GRID2: variants seen among roughly 807,000 people sequenced by gnomAD.
GRID2 encodes glutamate receptor ionotropic, delta-2.
A neutral mutation model predicts 114.8 loss-of-function variants in GRID2; 33 were observed. The observed-to-expected ratio is 0.29, with a 90% CI of 0.22 to 0.38. The LOEUF (loss-of-function observed/expected upper bound fraction) is 0.38. GRID2 is among the 10% of genes least tolerant of loss of function. The pLI is 1.00. For synonymous variants in GRID2, 505 were observed against 449.9 expected (o/e 1.12, Z -1.55); for missense variants, 1,184 against 1,257.7 (o/e 0.94, Z 0.89).
At chr4:93,629,830 A>G (rs1743082368) in intron 14 of GRID2, among the ~76,000 whole-genome samples, 1 of 152,184 alleles carries the variant, frequency 6.6e-6, no homozygotes, top group Non-Finnish European at 1.5e-5. Flanking sequence ...ATTATCTGCT[A>G]CCTGCCAGAC....
chr4:93,563,005 T>C (rs542003256), intron 13 of GRID2, among the ~76,000 whole-genome samples: 1 of 152,164 alleles, frequency 6.6e-6, no homozygotes, highest in South Asian at 2.1e-4. Flanking sequence ...AGTCAGGTAA[T>C]GTCAGTTTTC....
intron 1 of GRID2, among the ~76,000 whole-genome samples, chr4:92,568,259 T>C (rs1191844618): frequency 6.6e-6 from 1 of 152,034 alleles, no homozygotes; most frequent in Non-Finnish European, 1.5e-5. Flanking sequence ...GGCGGAATAC[T>C]AGGATCTGAG....
At chr4:92,498,565 A>T (rs570192835) in intron 1 of GRID2, among the ~76,000 whole-genome samples, 11 of 152,082 alleles carry the variant, frequency 7.2e-5, no homozygotes, top group African/African-American at 2.6e-4. Flanking sequence ...TTATTTTTAA[A>T]GTTTTGCTCA....
chr4:93,452,048 T>A (rs987958105), intron 10 of GRID2, among the ~76,000 whole-genome samples: 2 of 152,030 alleles, frequency 1.3e-5, no homozygotes, highest in African/African-American at 4.8e-5. Flanking sequence ...TGTGTGTAGA[T>A]GGGGACAATA....
intron 13 of GRID2, among the ~76,000 whole-genome samples, chr4:93,618,933 TTAAAAAC>T (rs962130739): frequency 6.6e-6 from 1 of 152,170 alleles, no homozygotes; most frequent in African/African-American, 2.4e-5. Context: ...TAGAATGCTT[TTAAAAAC>T]TTTAAAAAAT....
chr4:93,562,605 G>A (rs1199261770), intron 13 of GRID2, among the ~76,000 whole-genome samples: 1 of 151,976 alleles, frequency 6.6e-6, no homozygotes, highest in Non-Finnish European at 1.5e-5. Context: ...AAAAGTCATG[G>A]CAAAAGCCAA....
chr4:93,097,169 T>C lies in GRID2; in HGVS notation c.529+11890T>C, dbSNP rs563512707. Among the ~76,000 whole-genome samples, 5 of 152,006 alleles carry C rather than the reference T, an allele frequency of 3.3e-5. No homozygotes were observed. The East Asian group carries it at 9.7e-4, about 29-fold the overall frequency. Reference sequence around the variant, plus strand: ...TCTGGAAAGCGACACAAAATAACTTTTAGTGGTAATGGAAATATCCATTAT... The same window carrying C: ...TCTGGAAAGCGACACAAAATAACTTCTAGTGGTAATGGAAATATCCATTAT... On this transcript the variant is annotated intron_variant, in intron 3 of 15. Coordinates refer to ENST00000282020, the MANE Select transcript of GRID2 (RefSeq NM_001510.4).
chr4:92,325,603 CAA>C (rs1726550917), intron 1 of GRID2, among the ~76,000 whole-genome samples: 1 of 151,682 alleles, frequency 6.6e-6, no homozygotes, highest in Admixed American at 6.6e-5. Context: ...CAAACTCAAA[CAA>C]AGAGATTTGC....
chr4:92,703,860 T>C (rs1734803953), intron 2 of GRID2, among the ~76,000 whole-genome samples: 1 of 152,048 alleles, frequency 6.6e-6, no homozygotes, highest in Non-Finnish European at 1.5e-5. Flanking sequence ...TGTATATATC[T>C]ATTGGTAGAG....
At chr4:93,676,753 C>CAAAAAAAAAAAAAAAAAAGAAAATAA (rs1240505682) in intron 14 of GRID2, among the ~76,000 whole-genome samples, 1 of 114,090 alleles carries the variant, frequency 8.8e-6, no homozygotes, top group African/African-American at 3.2e-5. Flanking sequence ...AAAGATATTA[C>CAAAAAAAAAAAAAAAAAAGAAAATAA]AAAAAAAAAA....
At chr4:93,219,719 C>A (rs1242932853) in intron 6 of GRID2, among the ~76,000 whole-genome samples, 2 of 152,064 alleles carry the variant, frequency 1.3e-5, no homozygotes, top group African/African-American at 4.8e-5. Flanking sequence ...GGTGTTTTTG[C>A]AACATATGTA....
At chr4:93,551,691 A>G (rs1383254741) in intron 13 of GRID2, among the ~76,000 whole-genome samples, 1 of 152,218 alleles carries the variant, frequency 6.6e-6, no homozygotes, top group Non-Finnish European at 1.5e-5. Flanking sequence ...TGCCCTTGAC[A>G]TGAACAATAT....
chr4:93,173,723 G>A (rs919748934), intron 4 of GRID2, among the ~76,000 whole-genome samples: 2 of 152,008 alleles, frequency 1.3e-5, no homozygotes, highest in African/African-American at 4.8e-5. Context: ...TCCACCCCCT[G>A]GTCTCAAGTG....
At chr4:92,545,699 A>G (rs770203111) in intron 1 of GRID2, among the ~76,000 whole-genome samples, 10 of 152,146 alleles carry the variant, frequency 6.6e-5, no homozygotes, top group Admixed American at 2.6e-4. Context: ...ATTATTCTCA[A>G]TATGGTGCTT....
chr4:92,827,390 G>T (rs926292989), intron 2 of GRID2, among the ~76,000 whole-genome samples: 1 of 148,574 alleles, frequency 6.7e-6, no homozygotes, highest in African/African-American at 2.5e-5. Flanking sequence ...AATGTAAAGG[G>T]ATCCTGAGAT....
At chr4:93,303,865 A>C (rs1360177196) in intron 8 of GRID2, among the ~76,000 whole-genome samples, 1 of 152,126 alleles carries the variant, frequency 6.6e-6, no homozygotes, top group Non-Finnish European at 1.5e-5. Context: ...AAGCTATGAC[A>C]ATTGAAATGG....
In GRID2 at chr4:93,795,957, C is replaced by T. The variant is rs202005676; in HGVS notation, c.222-10758C>T. ...GCTTAAGGCAAGGTGTTGGCTGAGC[C>T]GCCTTTCTGGAGCCCGGAGTTCTCT... On this transcript the variant is annotated intron_variant, in intron 1 of 1. Transcript: ENST00000637838. Among the ~76,000 whole-genome samples the T allele has an allele frequency of 5.8e-4, 88 of 152,264 alleles. 1 individual carries two copies. The East Asian group carries it at 0.015, about 26-fold the overall frequency.
intron 1 of GRID2, among the ~76,000 whole-genome samples, chr4:93,798,520 G>A (rs542288364): frequency 1.5e-4 from 23 of 152,166 alleles, no homozygotes; most frequent in Non-Finnish European, 2.5e-4. Context: ...GACTATGATC[G>A]GATTCCCCAA....
At chr4:92,875,158 T>G (rs1377304222) in intron 2 of GRID2, among the ~76,000 whole-genome samples, 3 of 143,454 alleles carry the variant, frequency 2.1e-5, no homozygotes, top group Non-Finnish European at 3.1e-5. Context: ...GGTTTTTTTT[T>G]TTTTTTTTTT....
Sources: allele counts gnomAD v4.1 joint callset (sites outside exome capture counted in the v4.1 genomes callset), GRCh38; gene constraint gnomAD v4.1.1; transcripts MANE v1.5; gene names NCBI Gene and HGNC (gene_info 2026-07-23, HGNC 2026-07-21).